The following ITGA2 variants were observed in gnomAD, a reference collection of about 807,000 sequenced individuals.
ITGA2 encodes integrin subunit alpha 2, also known as integrin alpha-2.
In ITGA2, 101 loss-of-function variants were observed where a neutral mutation model predicts 146.3. The ratio of observed to expected loss-of-function variants is 0.69; its 90% CI spans 0.59 to 0.81. The LOEUF (loss-of-function observed/expected upper bound fraction) is 0.81, where lower values mean the gene tolerates loss of function less well. ITGA2 is among the 40% of genes least tolerant of loss of function. The pLI, the probability that ITGA2 is intolerant of heterozygous loss-of-function variation, is 0.00. For missense variants in ITGA2, 1,281 were observed against 1,402.7 expected (o/e 0.91, Z 1.39); for synonymous variants, 477 against 487.1 (o/e 0.98, Z 0.27).
intron 1 of ITGA2, among the ~76,000 whole-genome samples, chr5:53,002,744 G>A (rs1428985876): frequency 2.0e-5 from 3 of 152,126 alleles, no homozygotes; most frequent in African/African-American, 7.2e-5. Context: ...CAAAGAGTGT[G>A]TGTGTTTTTT....
chr5:53,079,918 T>C (rs1157314260), intron 24 of ITGA2, among the ~76,000 whole-genome samples: 1 of 152,132 alleles, frequency 6.6e-6, no homozygotes, highest in Non-Finnish European at 1.5e-5. Context: ...GTATGAGCCC[T>C]GGCCAATTAG....
chr5:52,997,926 G>A (rs1432621935), intron 1 of ITGA2, among the ~76,000 whole-genome samples: 1 of 152,034 alleles, frequency 6.6e-6, no homozygotes, highest in Non-Finnish European at 1.5e-5. Context: ...GGAAATTGGG[G>A]CACTTTTATG....
At chr5:53,041,267 G>A (rs1324906115) in intron 2 of ITGA2, among the ~76,000 whole-genome samples, 2 of 152,052 alleles carry the variant, frequency 1.3e-5, no homozygotes, top group African/African-American at 2.4e-5. Context: ...GCTTCTGCAA[G>A]AAAACCCATA....
intron 3 of ITGA2, among the ~76,000 whole-genome samples, chr5:53,044,108 C>G (rs1235153568): frequency 9.2e-5 from 14 of 151,486 alleles, no homozygotes; most frequent in African/African-American, 3.2e-4. Context: ...AACCCCATCT[C>G]TACTAAAATA....
chr5:52,995,984 A>G (rs961674664), intron 1 of ITGA2, among the ~76,000 whole-genome samples: 6 of 152,204 alleles, frequency 3.9e-5, no homozygotes, highest in Non-Finnish European at 5.9e-5. Context: ...AATAGGGTCA[A>G]CTTCTTCAAA....
intron 1 of ITGA2, among the ~76,000 whole-genome samples, chr5:53,022,094 C>T (rs1413478429): frequency 1.3e-5 from 2 of 152,172 alleles, no homozygotes; most frequent in Non-Finnish European, 2.9e-5. Context: ...TCATAGACAT[C>T]AATAAACTTC....
Position 52,989,462 on chromosome 5 carries a change from AC to A in ITGA2, c.-4del. 1 of 1,614,100 alleles carries A rather than the reference AC, an allele frequency of 6.2e-7. No individual in the cohort carries two copies. The highest frequency in any genetic ancestry group is 8.5e-7 in the Non-Finnish European group (1 of 1,179,972). On this transcript the variant is annotated 5_prime_UTR_variant, in exon 1 of 30. Coordinates refer to ENST00000296585, the MANE Select transcript of ITGA2 (RefSeq NM_002203.4). ...AGCGCAACTACGGTCCCCCGGTCAG[AC>A]CCAGGATGGGGCCAGAACGGACAGG...
intron 4 of ITGA2, among the ~76,000 whole-genome samples, chr5:53,047,202 C>A (rs1397126231): frequency 6.6e-6 from 1 of 152,164 alleles, no homozygotes; most frequent in Admixed American, 6.6e-5. Flanking sequence ...TTACTTCTTG[C>A]AAGCCCATAC....
Position 53,004,894 on chromosome 5 carries a change from G to GTT in ITGA2, c.64+15400_64+15401dup, listed in dbSNP as rs548541753. ...TACAACTTCTAAGTTTAGTTGCTTT[G>GTT]TTTTTTTTTTTTTTTTTTTTTTTTT... On this transcript the variant is annotated intron_variant, in intron 1 of 29. Transcript: ENST00000296585. Among the ~76,000 whole-genome samples the GTT allele has an allele frequency of 2.7e-4, 15 of 55,946 alleles. 1 individual carries two copies. Among genetic ancestry groups the GTT allele is most frequent in the Admixed American group, 5.3e-4 (2 of 3,740 alleles). 36.7% of individuals were successfully genotyped at this position (55,946 alleles called of 152,430 possible).
chr5:53,062,196 CT>C (rs1744932204), intron 12 of ITGA2, among the ~76,000 whole-genome samples: 1 of 151,886 alleles, frequency 6.6e-6, no homozygotes, highest in Admixed American at 6.6e-5. Flanking sequence ...ATCATATGTG[CT>C]TTCCCACTTC....
At chr5:53,067,080 A>G (rs753984387) in intron 15 of ITGA2, 38 bp from the exon 16 acceptor site, 2 of 1,599,762 alleles carry the variant, frequency 1.3e-6, no homozygotes, top group South Asian at 2.2e-5. Context: ...GTGCTCAGTA[A>G]TAACATCCAT....
In ITGA2 at chr5:53,086,072, T is replaced by C. The variant is rs190461341; in HGVS notation, c.3259-880T>C. ...GGTGCCCACCACCATGCCCGGCTAA[T>C]TTTTTATATTTTTTAGTAGAGTCAG... On this transcript the variant is annotated intron_variant, in intron 27 of 29. Transcript: ENST00000296585. Among the ~76,000 whole-genome samples the C allele has an allele frequency of 1.2e-3, 182 of 151,996 alleles. 1 individual carries two copies. In the South Asian group the frequency reaches 0.027, roughly 23 times the overall value.
chr5:52,989,626 C>G, intron 1 of ITGA2, 94 bp downstream of exon 1: 1 of 1,367,670 alleles, frequency 7.3e-7, no homozygotes, highest in East Asian at 2.3e-5. Flanking sequence ...AGGGAGCGAG[C>G]TCCGTGTGTT....
At position 53,073,183 on chromosome 5, in the gene ITGA2, A is replaced by G. The variant is rs746309272; in HGVS notation, c.2495A>G (p.Lys832Arg). 1 of 1,612,610 alleles carries G rather than the reference A, an allele frequency of 6.2e-7. No homozygotes were observed. The highest frequency in any genetic ancestry group is 8.5e-7 in the Non-Finnish European group (1 of 1,178,984). ...ACATTTTCAGTAACGCTGAAAAATA[A>G]AAGGGAAAGTGCATACAACACTGGA... ...RLTFSVTLKN[K>R]RESAYNTGIV... The change falls in exon 20 of 30, where the codon AAA becomes AGA. Residue 832 changes from lysine (K) to arginine (R), a missense_variant. Lys to Arg is a conservative substitution (Grantham distance 26). Transcript: ENST00000296585.
At chr5:53,073,815 C>A (rs1336628142) in intron 20 of ITGA2, among the ~76,000 whole-genome samples, 1 of 151,728 alleles carries the variant, frequency 6.6e-6, no homozygotes, top group Non-Finnish European at 1.5e-5. Flanking sequence ...ACAATGATTT[C>A]ATTTAATTTA....
chr5:53,062,172 T>C (rs1744930717), intron 12 of ITGA2, among the ~76,000 whole-genome samples: 1 of 151,916 alleles, frequency 6.6e-6, no homozygotes, highest in African/African-American at 2.4e-5. Flanking sequence ...TATCATGCCA[T>C]GTACACTTAC....
At chr5:53,019,185 A>G (rs970307391) in intron 1 of ITGA2, among the ~76,000 whole-genome samples, 1 of 152,206 alleles carries the variant, frequency 6.6e-6, no homozygotes, top group Admixed American at 6.5e-5. Flanking sequence ...TTATTTAAAA[A>G]TGATTCAATG....
In ITGA2 at chr5:53,071,994, C is replaced by A. The variant is rs1331783631; in HGVS notation, c.2292C>A (p.Asn764Lys). 6.2e-7 allele frequency: 1 copy of A among 1,612,398 alleles called. No homozygotes were observed. Among genetic ancestry groups the A allele is most frequent in the Non-Finnish European group, 8.5e-7 (1 of 1,178,944 alleles). ...TGCGTGTGGACATCAGTCTGGAAAA[C>A]CCTGGCACTAGCCCTGCCCTTGAAG... ...LDLRVDISLE[N>K]PGTSPALEAY... Residue 764 changes from asparagine to lysine, a missense_variant, in exon 18 of 30, where the codon AAC becomes AAA. Around this residue, in one of 3 missense-constraint regions of ITGA2, gnomAD observed 475 missense variants for 530.5 expected, o/e 0.90. Transcript: ENST00000296585.
At chr5:53,022,182 A>C (rs1462634747) in intron 1 of ITGA2, among the ~76,000 whole-genome samples, 1 of 149,466 alleles carries the variant, frequency 6.7e-6, no homozygotes, top group Non-Finnish European at 1.5e-5. Flanking sequence ...TTGTTAAAAG[A>C]CTTTTTCCTT....
Sources: allele counts gnomAD v4.1 joint callset (sites outside exome capture counted in the v4.1 genomes callset), GRCh38; gene constraint gnomAD v4.1.1; regional missense constraint gnomAD v4.1.1; transcripts MANE v1.5; gene names NCBI Gene and HGNC (gene_info 2026-07-23, HGNC 2026-07-21).